CHN2: variants seen among roughly 807,000 people sequenced by gnomAD.
The protein encoded by CHN2 is chimerin 2.
Under a neutral mutation model 56.3 loss-of-function variants are expected in CHN2, and 35 were observed. That is an observed-to-expected ratio of 0.62 (90% confidence interval 0.47 to 0.82). The LOEUF (loss-of-function observed/expected upper bound fraction) is 0.82. Among genes scored for constraint, CHN2 ranks in the 40% least tolerant of loss-of-function variants. CHN2 has a pLI of 0.00. For synonymous variants in CHN2, 210 were observed against 212.8 expected, an observed-to-expected ratio of 0.99 and a Z score of 0.12; for missense variants, 491 against 580.5, an observed-to-expected ratio of 0.85 and a Z score of 1.58.
At chr7:29,360,611 A>G (rs1798666153) in intron 2 of CHN2, among the ~76,000 whole-genome samples, 1 of 152,236 alleles carries the variant, frequency 6.6e-6, no homozygotes, top group Non-Finnish European at 1.5e-5. Context: ...AAGACACCTA[A>G]AGCACCTACA....
intron 1 of CHN2, among the ~76,000 whole-genome samples, chr7:29,296,084 ATT>A (rs11367150): frequency 0.017 from 2,512 of 145,334 alleles, 39 homozygotes; most frequent in African/African-American, 0.039. Flanking sequence ...TGTAATCACC[ATT>A]TTTTTTTTTT....
chr7:29,441,526 T>C (rs1371427738), intron 6 of CHN2, among the ~76,000 whole-genome samples: 1 of 152,166 alleles, frequency 6.6e-6, no homozygotes, highest in Non-Finnish European at 1.5e-5. Context: ...ACAGAGAACC[T>C]ACAAAATGGA....
chr7:29,368,641 T>C (rs1356310661), intron 3 of CHN2, among the ~76,000 whole-genome samples: 10 of 152,148 alleles, frequency 6.6e-5, no homozygotes, highest in Non-Finnish European at 1.5e-4. Flanking sequence ...GGATTAAATA[T>C]AGAGCCACGG....
At chr7:29,153,885 T>C (rs191300374) in intron 2 of CHN2, among the ~76,000 whole-genome samples, 1 of 152,290 alleles carries the variant, frequency 6.6e-6, no homozygotes, top group East Asian at 1.9e-4. Flanking sequence ...TATGATTTTC[T>C]TAGTAACATT....
chr7:29,149,060 C>G (rs1359210016), intron 2 of CHN2, among the ~76,000 whole-genome samples: 1 of 152,058 alleles, frequency 6.6e-6, no homozygotes. Context: ...CAGGCGTGTT[C>G]AGGGTGGGTC....
chr7:29,329,456 T>C (rs1252260737), intron 1 of CHN2, among the ~76,000 whole-genome samples: 1 of 148,340 alleles, frequency 6.7e-6, no homozygotes, highest in Admixed American at 6.8e-5. Context: ...CAACCAGAGA[T>C]TTTTCTCATT....
chr7:29,189,463 C>G (rs1325149686), intron 2 of CHN2, among the ~76,000 whole-genome samples: 2 of 152,090 alleles, frequency 1.3e-5, no homozygotes, highest in Admixed American at 1.3e-4. Flanking sequence ...AAAACAAACT[C>G]ACTCCCTGCT....
At chr7:29,392,548 A>C (rs892142882) in intron 3 of CHN2, among the ~76,000 whole-genome samples, 14 of 152,224 alleles carry the variant, frequency 9.2e-5, no homozygotes, top group African/African-American at 3.4e-4. Context: ...AGAAGTGTCT[A>C]GATGATAAGT....
intron 6 of CHN2, among the ~76,000 whole-genome samples, chr7:29,413,150 A>G (rs1257608066): frequency 6.6e-6 from 1 of 152,232 alleles, no homozygotes; most frequent in African/African-American, 2.4e-5. Context: ...AAGTTCCCGC[A>G]AAGTTAATAT....
intron 2 of CHN2, among the ~76,000 whole-genome samples, chr7:29,166,966 T>TA (rs1335842025): frequency 6.6e-6 from 1 of 152,192 alleles, no homozygotes; most frequent in Non-Finnish European, 1.5e-5. Context: ...TTCTCCACAA[T>TA]ATAAGATATA....
At chr7:29,199,178 A>G (rs1783962387) in intron 1 of CHN2, among the ~76,000 whole-genome samples, 1 of 152,212 alleles carries the variant, frequency 6.6e-6, no homozygotes, top group Non-Finnish European at 1.5e-5. Context: ...AGGAATTTTC[A>G]TTACTCATTA....
intron 2 of CHN2, among the ~76,000 whole-genome samples, chr7:29,365,045 G>A (rs1324072439): frequency 6.6e-6 from 1 of 152,320 alleles, no homozygotes; most frequent in Middle Eastern, 3.4e-3. Flanking sequence ...AATGTCAAGA[G>A]TATTGTTCCA....
At chr7:29,329,526 G>T (rs1161640431) in intron 1 of CHN2, among the ~76,000 whole-genome samples, 1 of 151,672 alleles carries the variant, frequency 6.6e-6, no homozygotes, top group Non-Finnish European at 1.5e-5. Context: ...TTATTTGTTT[G>T]CAGCATTTCT....
chr7:29,427,408 C>T lies in CHN2; in HGVS notation c.576+26580C>T, dbSNP rs151002774. ...ATTACATCTGCAGAATCCCTTTTAC[C>T]GTATAACATAATCATGTAACATGAT... On this transcript the variant is annotated intron_variant, in intron 6 of 12. Transcript: ENST00000222792. Among the ~76,000 whole-genome samples the T allele has an allele frequency of 6.6e-5, 10 of 152,154 alleles. No individual in the cohort carries two copies. The East Asian group carries it at 1.4e-3, about 21-fold the overall frequency.
chr7:29,238,014 TC>T (rs1787333547), intron 1 of CHN2, among the ~76,000 whole-genome samples: 1 of 113,214 alleles, frequency 8.8e-6, no homozygotes, highest in Non-Finnish European at 1.8e-5. Flanking sequence ...ATATGTATTC[TC>T]TTTTTTTTTT....
chr7:29,379,469 G>A (rs1158116317), intron 3 of CHN2, among the ~76,000 whole-genome samples: 2 of 152,216 alleles, frequency 1.3e-5, no homozygotes, highest in Non-Finnish European at 2.9e-5. Context: ...AGGAAAGAGT[G>A]CTACATCTGC....
At chr7:29,262,463 A>T (rs996275328) in intron 1 of CHN2, among the ~76,000 whole-genome samples, 1 of 152,250 alleles carries the variant, frequency 6.6e-6, no homozygotes, top group African/African-American at 2.4e-5. Context: ...GAGTTAAATT[A>T]TATCAGGATT....
At chr7:29,201,611 A>T (rs564292998) in intron 1 of CHN2, among the ~76,000 whole-genome samples, 1 of 152,336 alleles carries the variant, frequency 6.6e-6, no homozygotes, top group East Asian at 1.9e-4. Flanking sequence ...GGTAACCATT[A>T]GTCACATGTG....
chr7:29,364,200 G>A (rs962787484), intron 2 of CHN2, among the ~76,000 whole-genome samples: 1 of 152,192 alleles, frequency 6.6e-6, no homozygotes, highest in Non-Finnish European at 1.5e-5. Flanking sequence ...CACATGGCAG[G>A]CACTTGGTAT....
Sources: allele counts gnomAD v4.1 joint callset (sites outside exome capture counted in the v4.1 genomes callset), GRCh38; gene constraint gnomAD v4.1.1; transcripts MANE v1.5; gene names NCBI Gene and HGNC (gene_info 2026-07-23, HGNC 2026-07-21).